GAB1: variants seen among roughly 807,000 people sequenced by gnomAD.
GAB1 encodes the protein GRB2-associated-binding protein 1.
Under a neutral mutation model 66.5 loss-of-function variants are expected in GAB1, and 19 were observed. The observed-to-expected ratio is 0.29, with a 90% CI of 0.20 to 0.42. The LOEUF (loss-of-function observed/expected upper bound fraction) is 0.42. Ranked by LOEUF, GAB1 falls within the 10% of genes least tolerant of loss-of-function variation. GAB1 has a pLI of 1.00. For missense variants in GAB1, 732 were observed against 858.5 expected, an observed-to-expected ratio of 0.85 and a Z score of 1.84; for synonymous variants, 294 against 301.4, an observed-to-expected ratio of 0.98 and a Z score of 0.25.
intron 6 of GAB1, among the ~76,000 whole-genome samples, chr4:143,456,456 CAAA>C (rs5862641): frequency 2.1e-5 from 3 of 139,850 alleles, no homozygotes; most frequent in Non-Finnish European, 3.1e-5. Context: ...GACTCCGTCT[CAAA>C]AAAAAAAAAA....
chr4:143,413,824 C>CTTTTTTTTTTTTTTTTTTTTTTT (rs35422180), intron 1 of GAB1, among the ~76,000 whole-genome samples: 14 of 67,824 alleles, frequency 2.1e-4, no homozygotes, highest in African/African-American at 5.7e-4. Flanking sequence ...CCCCGCTGCC[C>CTTTTTTTTTTTTTTTTTTTTTTT]TTTTTTTTTT....
rs891488954 is a variant in GAB1, at chr4:143,470,091, T to C, written c.*902T>C. The C allele has an allele frequency of 1.3e-5, 2 of 152,254 alleles. No homozygotes were observed. Among genetic ancestry groups the C allele is most frequent in the Non-Finnish European group, 2.9e-5 (2 of 68,034 alleles). The allele number at this position is 152,254 out of a possible 1,614,324, so 9.4% of individuals were successfully genotyped here. ...GTGTTCTTGTTAGTCCTAATATTGG[T>C]TTTCAGTTTGGAATTAATAAAGCAG... On this transcript the variant is annotated 3_prime_UTR_variant, in exon 10 of 10. Transcript: ENST00000262994.
rs1735972842 is a variant in GAB1, at chr4:143,469,406, T to G, written c.*217T>G. On this transcript the variant is annotated 3_prime_UTR_variant, in exon 10 of 10. Coordinates refer to ENST00000262994, the MANE Select transcript of GAB1 (RefSeq NM_002039.4). Reference sequence around the variant, plus strand: ...TGTAAATAATGTGGGAAAATAGTATTGTTTAGCTCCCAGAGAAACATTTGT... The same window carrying G: ...TGTAAATAATGTGGGAAAATAGTATGGTTTAGCTCCCAGAGAAACATTTGT... The G allele has an allele frequency of 4.1e-6, 2 of 482,524 alleles. No individual in the cohort carries two copies. The allele number at this position is 482,524 out of a possible 1,614,324, so 29.9% of individuals were successfully genotyped here.
chr4:143,362,701 C>CT (rs1457492006), intron 1 of GAB1, among the ~76,000 whole-genome samples: 1 of 152,196 alleles, frequency 6.6e-6, no homozygotes, highest in Admixed American at 6.5e-5. Context: ...CCAGAGCTCA[C>CT]TTTCATAACC....
intron 3 of GAB1, among the ~76,000 whole-genome samples, chr4:143,436,728 C>G (rs1482667844): frequency 3.3e-5 from 5 of 152,044 alleles, no homozygotes; most frequent in Non-Finnish European, 5.9e-5. Flanking sequence ...GAAAAGCAGT[C>G]AACTTAAGAA....
intron 6 of GAB1, among the ~76,000 whole-genome samples, chr4:143,446,873 C>T (rs1297442454): frequency 2.0e-5 from 3 of 150,886 alleles, no homozygotes; most frequent in African/African-American, 7.3e-5. Flanking sequence ...CTTGCCCATG[C>T]CTATGTCCTG....
At chr4:143,388,047 A>G (rs1249177314) in intron 1 of GAB1, among the ~76,000 whole-genome samples, 1 of 152,158 alleles carries the variant, frequency 6.6e-6, no homozygotes, top group Non-Finnish European at 1.5e-5. Flanking sequence ...TTGTTTTGGC[A>G]TCTCTCTACA....
intron 1 of GAB1, among the ~76,000 whole-genome samples, chr4:143,374,283 G>A (rs143759319): frequency 6.6e-6 from 1 of 152,086 alleles, no homozygotes; most frequent in Admixed American, 6.5e-5. Flanking sequence ...GTCAAGTCAG[G>A]TGACTTGTCA....
At chr4:143,339,748 A>G (rs374227669) in intron 1 of GAB1, among the ~76,000 whole-genome samples, 6 of 152,166 alleles carry the variant, frequency 3.9e-5, no homozygotes, top group African/African-American at 9.7e-5. Context: ...GTTGAGTGGT[A>G]TGGGTATTTT....
At chr4:143,448,126 C>A (rs996497185) in intron 6 of GAB1, among the ~76,000 whole-genome samples, 2 of 151,864 alleles carry the variant, frequency 1.3e-5, no homozygotes, top group Admixed American at 1.3e-4. Flanking sequence ...AGCCTTGCAT[C>A]CCAGGGATGA....
Position 143,464,429 on chromosome 4 carries a change from C to T in GAB1, c.1804-1674C>T, listed in dbSNP as rs1485494589. ...GTTTTTAGTAGAGACGGGGTTTCAC[C>T]ATGTTGGCCAGGCTGGTCTCAAACT... On this transcript the variant is annotated intron_variant, in intron 8 of 9. Coordinates refer to ENST00000262994, the MANE Select transcript of GAB1 (RefSeq NM_002039.4). 3.3e-5 allele frequency among the ~76,000 whole-genome samples: 5 copies of T among 152,120 alleles called. No individual in the cohort carries two copies. The East Asian group carries it at 9.7e-4, about 29-fold the overall frequency.
At chr4:143,458,545 A>G (rs1735319986) in intron 6 of GAB1, among the ~76,000 whole-genome samples, 1 of 152,042 alleles carries the variant, frequency 6.6e-6, no homozygotes, top group South Asian at 2.1e-4. Context: ...CTAGTATTAA[A>G]TAGTATTGTT....
chr4:143,348,370 TATC>T (rs1254788515), intron 1 of GAB1, among the ~76,000 whole-genome samples: 4 of 152,346 alleles, frequency 2.6e-5, no homozygotes, highest in South Asian at 2.1e-4. Context: ...CAGCAGATCT[TATC>T]ATCCTTTCCC....
chr4:143,337,184 G>C lies in GAB1; in HGVS notation c.-5G>C. ...GCCCGGCCCGGAGCCCGAGACGCGC[G>C]CACCATGAGCGGTGGTGAAGTGGTC... On this transcript the variant is annotated 5_prime_UTR_variant, in exon 1 of 10. Coordinates refer to ENST00000262994, the MANE Select transcript of GAB1 (RefSeq NM_002039.4). 3.2e-6 allele frequency: 5 copies of C among 1,574,308 alleles called. No individual in the cohort carries two copies. Among genetic ancestry groups the C allele is most frequent in the African/African-American group, 1.3e-5 (1 of 74,436 alleles).
intron 6 of GAB1, chr4:143,457,768 G>A (rs1332216502): frequency 2.0e-6 from 3 of 1,534,480 alleles, no homozygotes; most frequent in Non-Finnish European, 2.7e-6. Context: ...CAAGAAGAAA[G>A]GGTATGTACT....
chr4:143,402,898 G>A (rs1380043240), intron 1 of GAB1, among the ~76,000 whole-genome samples: 1 of 152,168 alleles, frequency 6.6e-6, no homozygotes, highest in Non-Finnish European at 1.5e-5. Context: ...ACATGTTTAT[G>A]TGGTTATTTT....
In GAB1 at chr4:143,472,547, C is replaced by T. The variant is rs563465305; in HGVS notation, c.*3358C>T. On this transcript the variant is annotated 3_prime_UTR_variant, in exon 10 of 10. Coordinates refer to ENST00000262994, the MANE Select transcript of GAB1 (RefSeq NM_002039.4). ...ATATTAACTACTTTATGCCTACACA[C>T]TATGCTGTAGATACTGATCATAATT... 1 of 152,292 alleles carries T rather than the reference C, an allele frequency of 6.6e-6. No individual in the cohort carries two copies. Among genetic ancestry groups the T allele is most frequent in the South Asian group, 2.1e-4 (1 of 4,830 alleles). 9.4% of individuals were successfully genotyped at this position (152,292 alleles called of 1,614,324 possible).
At chr4:143,430,246 A>G (rs1235991454) in intron 2 of GAB1, among the ~76,000 whole-genome samples, 1 of 152,208 alleles carries the variant, frequency 6.6e-6, no homozygotes, top group Non-Finnish European at 1.5e-5. Context: ...TGTCTACAGT[A>G]GTTACAGTCA....
At chr4:143,444,213 TA>T (rs1734388334) in intron 6 of GAB1, among the ~76,000 whole-genome samples, 1 of 152,198 alleles carries the variant, frequency 6.6e-6, no homozygotes, top group Non-Finnish European at 1.5e-5. Flanking sequence ...ATTAAATCGC[TA>T]AACTTATCTA....
Sources: allele counts gnomAD v4.1 joint callset (sites outside exome capture counted in the v4.1 genomes callset), GRCh38; gene constraint gnomAD v4.1.1; transcripts MANE v1.5; gene names NCBI Gene and HGNC (gene_info 2026-07-23, HGNC 2026-07-21).